PACSIN2: variants seen among roughly 807,000 people sequenced by gnomAD.
PACSIN2 encodes the protein protein kinase C and casein kinase substrate in neurons 2.
Under a neutral mutation model 63.8 loss-of-function variants are expected in PACSIN2, and 25 were observed. That is an observed-to-expected ratio of 0.39 (90% confidence interval 0.29 to 0.55). The LOEUF (loss-of-function observed/expected upper bound fraction) is 0.55. Among genes scored for constraint, PACSIN2 ranks in the 20% least tolerant of loss-of-function variants. PACSIN2 has a pLI of 0.62. For missense variants in PACSIN2, 518 were observed against 646.9 expected, an observed-to-expected ratio of 0.80 and a Z score of 2.16; for synonymous variants, 255 against 256.2, an observed-to-expected ratio of 1.00 and a Z score of 0.05.
intron 1 of PACSIN2, among the ~76,000 whole-genome samples, chr22:42,963,124 T>A (rs1569508): frequency 6.6e-6 from 1 of 152,024 alleles, no homozygotes; most frequent in Non-Finnish European, 1.5e-5. Context: ...CTGGAAACCA[T>A]TGGACATTCA....
intron 1 of PACSIN2, among the ~76,000 whole-genome samples, chr22:42,965,060 T>C (rs1310496001): frequency 6.6e-6 from 1 of 152,178 alleles, no homozygotes; most frequent in East Asian, 1.9e-4. Flanking sequence ...AAAACCCAAC[T>C]GTGTGTGGCA....
At chr22:42,992,462 T>C (rs1408337618) in intron 1 of PACSIN2, among the ~76,000 whole-genome samples, 1 of 152,214 alleles carries the variant, frequency 6.6e-6, no homozygotes, top group Non-Finnish European at 1.5e-5. Flanking sequence ...TGGAAGCAGA[T>C]GTTGGCCAAG....
rs547163516 is a variant in PACSIN2, at chr22:42,885,011, A to G, written c.610-450T>C. On this transcript the variant is annotated intron_variant, in intron 5 of 10. Coordinates refer to ENST00000263246, the MANE Select transcript of PACSIN2 (RefSeq NM_001184970.3). ...GACATCTCTCCTTCACAGTGTTCTG[A>G]TATGTACATGATGGGGTGCAGGAAG... is the stretch of plus-strand genomic sequence containing the variant. Among the ~76,000 whole-genome samples the G allele has an allele frequency of 1.3e-4, 20 of 152,254 alleles. No individual in the cohort carries two copies. In the South Asian group the frequency reaches 3.5e-3, roughly 27 times the overall value.
At chr22:43,014,321 T>TCC (rs1555951518) in intron 1 of PACSIN2, among the ~76,000 whole-genome samples, 5 of 130,450 alleles carry the variant, frequency 3.8e-5, no homozygotes, top group South Asian at 2.4e-4. Context: ...CCCCCCGCCC[T>TCC]ACACACACAC....
intron 10 of PACSIN2, among the ~76,000 whole-genome samples, chr22:42,875,545 T>C (rs1928549075): frequency 1.3e-5 from 2 of 151,614 alleles, no homozygotes; most frequent in Non-Finnish European, 2.9e-5. Context: ...CAGCTAATTT[T>C]TTTTTTTTGA....
At chr22:42,955,312 C>G (rs1257971511) in intron 1 of PACSIN2, among the ~76,000 whole-genome samples, 1 of 152,076 alleles carries the variant, frequency 6.6e-6, no homozygotes, top group Non-Finnish European at 1.5e-5. Flanking sequence ...AACAAACGAA[C>G]GAACGAACGA....
chr22:42,983,590 A>C (rs974592927), intron 1 of PACSIN2, among the ~76,000 whole-genome samples: 3 of 152,194 alleles, frequency 2.0e-5, no homozygotes, highest in African/African-American at 7.2e-5. Context: ...CTGAAAGTAA[A>C]AGAAAAGGAC....
chr22:42,994,392 CAT>C (rs1363967404), intron 1 of PACSIN2, among the ~76,000 whole-genome samples: 4 of 152,226 alleles, frequency 2.6e-5, no homozygotes, highest in Non-Finnish European at 4.4e-5. Flanking sequence ...CAGGCACACA[CAT>C]GAATCCAGAG....
At chr22:42,991,329 T>C (rs989037492) in intron 1 of PACSIN2, among the ~76,000 whole-genome samples, 13 of 152,150 alleles carry the variant, frequency 8.5e-5, no homozygotes, top group African/African-American at 3.1e-4. Flanking sequence ...GGGTCTCAGC[T>C]GGCTGCAGGT....
intron 1 of PACSIN2, among the ~76,000 whole-genome samples, chr22:42,923,241 A>T (rs1349648624): frequency 6.6e-6 from 1 of 152,204 alleles, no homozygotes; most frequent in African/African-American, 2.4e-5. Flanking sequence ...TTCTCAATGC[A>T]TGATATATTT....
chr22:42,921,257 G>C (rs1226271611), intron 1 of PACSIN2, among the ~76,000 whole-genome samples: 1 of 151,904 alleles, frequency 6.6e-6, no homozygotes, highest in African/African-American at 2.4e-5. Flanking sequence ...TGCTCGGGAG[G>C]CTGAGCCAGG....
intron 2 of PACSIN2, among the ~76,000 whole-genome samples, chr22:42,900,534 T>C (rs1930612217): frequency 1.3e-5 from 2 of 152,128 alleles, no homozygotes; most frequent in Non-Finnish European, 2.9e-5. Context: ...CAGGCTGGAG[T>C]GCAGTGGCAC....
chr22:43,012,897 G>A (rs1001100938), intron 1 of PACSIN2, among the ~76,000 whole-genome samples: 5 of 151,982 alleles, frequency 3.3e-5, no homozygotes, highest in Non-Finnish European at 7.4e-5. Flanking sequence ...CTGGTGATCC[G>A]CCCGCCTCTG....
chr22:42,982,883 A>AT (rs1922301802), intron 1 of PACSIN2, among the ~76,000 whole-genome samples: 18 of 137,270 alleles, frequency 1.3e-4, no homozygotes, highest in Non-Finnish European at 1.9e-4. Flanking sequence ...AAAAAAAAAA[A>AT]AAAAAAACAA....
intron 1 of PACSIN2, among the ~76,000 whole-genome samples, chr22:42,972,358 A>G (rs990956937): frequency 2.0e-5 from 3 of 152,246 alleles, no homozygotes; most frequent in African/African-American, 7.2e-5. Flanking sequence ...ACCCAGGGAC[A>G]TAAACATTGC....
intron 1 of PACSIN2, among the ~76,000 whole-genome samples, chr22:43,014,169 T>C (rs1924689325): frequency 6.6e-6 from 1 of 151,724 alleles, no homozygotes; most frequent in South Asian, 2.1e-4. Context: ...CTGGCCAGGC[T>C]TGAAAGCCCT....
intron 1 of PACSIN2, among the ~76,000 whole-genome samples, chr22:42,987,494 C>CACACACACACACACACACA (rs769969045): frequency 1.0e-4 from 7 of 67,980 alleles, no homozygotes; most frequent in African/African-American, 3.7e-4. Flanking sequence ...ACACACACAC[C>CACACACACACACACACACA]CATGGCACCA....
At chr22:42,897,288 G>C (rs1190206705) in intron 2 of PACSIN2, among the ~76,000 whole-genome samples, 3 of 151,976 alleles carry the variant, frequency 2.0e-5, no homozygotes, top group Non-Finnish European at 4.4e-5. Context: ...ATAATGACTA[G>C]TTTTTACAAT....
chr22:42,946,394 T>G lies in PACSIN2; in HGVS notation c.-77-34237A>C, dbSNP rs370281121. Among the ~76,000 whole-genome samples, 11 of 152,238 alleles carry G rather than the reference T, an allele frequency of 7.2e-5. No individual in the cohort carries two copies. The East Asian group carries it at 9.7e-4, about 13-fold the overall frequency. On this transcript the variant is annotated intron_variant, in intron 1 of 10. Coordinates refer to ENST00000263246, the MANE Select transcript of PACSIN2 (RefSeq NM_001184970.3). Reference sequence around the variant, plus strand: ...ACTGCATCCAGGAAGGAGGCACACATTGGCCTCTGAGCCTGGCGAGAGCAG... The same window carrying G: ...ACTGCATCCAGGAAGGAGGCACACAGTGGCCTCTGAGCCTGGCGAGAGCAG...
Sources: allele counts gnomAD v4.1 joint callset (sites outside exome capture counted in the v4.1 genomes callset), GRCh38; gene constraint gnomAD v4.1.1; transcripts MANE v1.5; gene names NCBI Gene and HGNC (gene_info 2026-07-23, HGNC 2026-07-21).